The following ADGRG4 variants were observed in gnomAD, a reference collection of about 807,000 sequenced individuals.
ADGRG4 encodes the protein G protein-coupled receptor 112.
ADGRG4 carries 122 observed loss-of-function variants against 126.2 expected under a neutral mutation model. That is an observed-to-expected ratio of 0.97 (90% CI 0.83 to 1.12). ADGRG4 has a LOEUF of 1.12. ADGRG4 is among the 50% of genes most tolerant of loss of function. ADGRG4 has a pLI of 0.00. For synonymous variants in ADGRG4, 943 were observed against 838.7 expected (o/e 1.12, Z -2.15); for missense variants, 2,481 against 2,251.8 (o/e 1.10, Z -2.06).
At chrX:136,333,292 G>T (rs1051633753) in intron 5 of ADGRG4, among the ~76,000 whole-genome samples, 1 of 111,127 alleles carries the variant, frequency 9.0e-6, no homozygotes, top group Non-Finnish European at 1.9e-5. Context: ...AGGACTTCAT[G>T]TATTTTTTTT....
chrX:136,404,813 GT>G (rs1217065402), intron 22 of ADGRG4, among the ~76,000 whole-genome samples: 7 of 111,552 alleles, frequency 6.3e-5, no homozygotes, highest in South Asian at 3.8e-4. Flanking sequence ...AAAATTAAAT[GT>G]TTTTTTAACA....
intron 3 of ADGRG4, among the ~76,000 whole-genome samples, chrX:136,305,611 G>A (rs898072097): frequency 8.9e-6 from 1 of 112,362 alleles, no homozygotes; most frequent in East Asian, 2.8e-4. Flanking sequence ...AAGAATAAAT[G>A]TCCAGTGAGG....
intron 12 of ADGRG4, among the ~76,000 whole-genome samples, chrX:136,362,198 G>T (rs2075132755): frequency 9.0e-6 from 1 of 111,315 alleles, no homozygotes; most frequent in Admixed American, 9.6e-5. Flanking sequence ...CAAAACCAGA[G>T]GGGCAGCAGG....
intron 4 of ADGRG4, among the ~76,000 whole-genome samples, chrX:136,320,030 T>C (rs906140288): frequency 8.9e-6 from 1 of 111,945 alleles, no homozygotes; most frequent in Non-Finnish European, 1.9e-5. Context: ...TTTCTTTTAG[T>C]TTTTAATAGG....
chrX:136,397,874 TC>T lies in ADGRG4; in HGVS notation c.8185-5del. On this transcript the variant is annotated splice_polypyrimidine_tract_variant and splice_region_variant and intron_variant, in intron 19 of 25. Coordinates refer to ENST00000394143, the MANE Select transcript of ADGRG4 (RefSeq NM_153834.4). ...ATGTGTAAAACACAACACATTGTGTTCCTTAGGATTTATCCAGGTCTACAGT... is the reference window on the plus strand; with the variant it reads ...ATGTGTAAAACACAACACATTGTGTTCTTAGGATTTATCCAGGTCTACAGT... 1 of 1,206,758 alleles carries T rather than the reference TC, an allele frequency of 8.3e-7. No individual in the cohort carries two copies. Among genetic ancestry groups the T allele is most frequent in the Non-Finnish European group, 1.1e-6 (1 of 891,810 alleles).
chrX:136,405,759 A>C lies in ADGRG4; in HGVS notation c.8722A>C (p.Met2908Leu), dbSNP rs2075402778. The change falls in exon 23 of 26, where the codon ATG becomes CTG. Residue 2908 changes from methionine (M) to leucine (L), a missense_variant. Physicochemically the swap from Met to Leu is conservative, Grantham distance 15. Coordinates refer to ENST00000394143, the MANE Select transcript of ADGRG4 (RefSeq NM_153834.4). ...GGCTTATTTTTGCCTCATATTTCTC[A>C]TGAATCTCTCCATGTTCTGCACTGT... ...VVAYFCLIFL[M>L]NLSMFCTVLV... The C allele has an allele frequency of 7.5e-6, 9 of 1,199,252 alleles. No individual in the cohort carries two copies. The highest frequency in any genetic ancestry group is 3.5e-5 in the African/African-American group (2 of 57,482).
chrX:136,384,002 G>A (rs766068755), intron 15 of ADGRG4, among the ~76,000 whole-genome samples: 2 of 109,030 alleles, frequency 1.8e-5, no homozygotes, highest in South Asian at 4.0e-4. Context: ...AGCGATTCTC[G>A]TGCCTCAGCC....
chrX:136,371,664 T>C (rs2075195193), intron 14 of ADGRG4, 120 bp downstream of exon 14: 1 of 432,931 alleles, frequency 2.3e-6, no homozygotes, highest in Admixed American at 5.0e-5. Flanking sequence ...AAAATATCCT[T>C]AAAAAAATCT....
At chrX:136,390,225 AT>A (rs915449436) in intron 16 of ADGRG4, among the ~76,000 whole-genome samples, 1 of 110,292 alleles carries the variant, frequency 9.1e-6, no homozygotes, top group African/African-American at 3.3e-5. Flanking sequence ...TAATTTTCAT[AT>A]TTTTTTGTAG....
At position 136,309,682 on chromosome X, in the gene ADGRG4, G is replaced by C. The variant is rs763203330; in HGVS notation, c.70+835G>C. Among the ~76,000 whole-genome samples the C allele has an allele frequency of 6.3e-5, 7 of 111,878 alleles. No individual in the cohort carries two copies. In the South Asian group the frequency reaches 2.6e-3, roughly 42 times the overall value. On this transcript the variant is annotated intron_variant, in intron 4 of 25. Coordinates refer to ENST00000394143, the MANE Select transcript of ADGRG4 (RefSeq NM_153834.4). The stretch of plus-strand genomic sequence containing the variant: ...ACACTGGCTTCTTGCTGCATGCAGA[G>C]CCTGATAGGAAACCATGTTTCTTAT...
intron 15 of ADGRG4, among the ~76,000 whole-genome samples, chrX:136,374,507 G>C (rs190470018): frequency 9.0e-6 from 1 of 110,733 alleles, no homozygotes; most frequent in African/African-American, 3.3e-5. Context: ...TCTCCCCACC[G>C]CAACCTCTGC....
At chrX:136,362,888 TA>T (rs1317328150) in intron 12 of ADGRG4, among the ~76,000 whole-genome samples, 1 of 111,294 alleles carries the variant, frequency 9.0e-6, no homozygotes, top group Non-Finnish European at 1.9e-5. Flanking sequence ...ACCCCCTAAT[TA>T]CAAGTTCCTT....
chrX:136,388,973 C>T (rs898801650), intron 16 of ADGRG4, among the ~76,000 whole-genome samples: 47 of 112,070 alleles, frequency 4.2e-4, no homozygotes, highest in African/African-American at 1.5e-3. Context: ...TAATGAATTT[C>T]TAATGGTCAA....
intron 5 of ADGRG4, among the ~76,000 whole-genome samples, chrX:136,337,880 T>C: frequency 8.9e-6 from 1 of 111,941 alleles, no homozygotes; most frequent in African/African-American, 3.2e-5. Flanking sequence ...TATTTATTTA[T>C]TTTTTAATAT....
intron 8 of ADGRG4, 51 bp downstream of exon 8, chrX:136,353,452 G>T (rs768715199): frequency 2.3e-6 from 2 of 873,500 alleles, no homozygotes; most frequent in East Asian, 6.2e-5. Flanking sequence ...AGGGCATTTT[G>T]GGTCTGTTCC....
intron 20 of ADGRG4, among the ~76,000 whole-genome samples, chrX:136,398,891 A>G (rs1452319460): frequency 8.9e-6 from 1 of 112,339 alleles, no homozygotes; most frequent in South Asian, 3.6e-4. Flanking sequence ...TTACATTAAC[A>G]GTTGATTAGA....
intron 23 of ADGRG4, among the ~76,000 whole-genome samples, chrX:136,409,048 GACACACACAC>G (rs71995144): frequency 2.9e-4 from 26 of 90,861 alleles, no homozygotes; most frequent in South Asian, 6.0e-4. Context: ...TCAAATTCAA[GACACACACAC>G]ACACACACAC....
At chrX:136,327,017 G>A (rs947154213) in intron 5 of ADGRG4, among the ~76,000 whole-genome samples, 4 of 110,760 alleles carry the variant, frequency 3.6e-5, no homozygotes, top group African/African-American at 1.3e-4. Context: ...TAAACAACAT[G>A]GTGACAAATA....
rs761870629 is a variant in ADGRG4 at position 136,396,391 on chromosome X, G to GTA, written c.8184+910_8184+911dup. Among the ~76,000 whole-genome samples, 292 of 101,925 alleles carry GTA rather than the reference G, an allele frequency of 2.9e-3. 1 individual carries two copies. Among genetic ancestry groups the GTA allele is most frequent in the African/African-American group, 9.7e-3 (273 of 28,244 alleles). 88.5% of individuals were successfully genotyped at this position (101,925 alleles called of 115,157 possible). ...CATATATATATATATATATATGTATGTATATATATATATTTTTTTTTTGAG... is the reference window on the plus strand; with the variant it reads ...CATATATATATATATATATATGTATGTATATATATATATATTTTTTTTTTGAG... On this transcript the variant is annotated intron_variant, in intron 19 of 25. Coordinates refer to ENST00000394143, the MANE Select transcript of ADGRG4 (RefSeq NM_153834.4).
Sources: allele counts gnomAD v4.1 joint callset (sites outside exome capture counted in the v4.1 genomes callset), GRCh38; gene constraint gnomAD v4.1.1; transcripts MANE v1.5; gene names NCBI Gene and HGNC (gene_info 2026-07-23, HGNC 2026-07-21).